Variants in GPM6A observed in about 807,000 individuals in gnomAD.
GPM6A encodes the protein glycoprotein M6A.
In GPM6A, 7 loss-of-function variants were observed where a neutral mutation model predicts 32.1. The ratio of observed to expected loss-of-function variants is 0.22; its 90% confidence interval spans 0.12 to 0.41. The LOEUF (loss-of-function observed/expected upper bound fraction) is 0.41. Ranked by LOEUF, GPM6A falls within the 10% of genes least tolerant of loss-of-function variation. GPM6A has a pLI of 1.00. For synonymous variants in GPM6A, 130 were observed against 123.4 expected (o/e 1.05, Z -0.35); for missense variants, 235 against 347.2 (o/e 0.68, Z 2.57).
chr4:175,805,148 G>C (rs1267765892), intron 1 of GPM6A, among the ~76,000 whole-genome samples: 1 of 151,352 alleles, frequency 6.6e-6, no homozygotes, highest in Admixed American at 6.6e-5. Flanking sequence ...AAAAAAAAAA[G>C]CTGTCAAGTT....
chr4:175,970,939 T>C (rs532246855), intron 1 of GPM6A: 7 of 455,176 alleles, frequency 1.5e-5, no homozygotes, highest in East Asian at 7.0e-5. Flanking sequence ...CAGGGTGCGG[T>C]ACAGAGATGG....
chr4:175,993,869 C>T (rs986985790), intron 1 of GPM6A, among the ~76,000 whole-genome samples: 5 of 152,142 alleles, frequency 3.3e-5, no homozygotes, highest in African/African-American at 1.2e-4. Flanking sequence ...TTTCATCAGA[C>T]GCAGTATTTA....
chr4:175,648,845 C>T (rs1355738061), intron 4 of GPM6A, among the ~76,000 whole-genome samples: 1 of 152,134 alleles, frequency 6.6e-6, no homozygotes, highest in African/African-American at 2.4e-5. Flanking sequence ...TTACACTGGG[C>T]CCATCTGGCT....
At chr4:175,794,124 C>T (rs1293843107) in intron 1 of GPM6A, among the ~76,000 whole-genome samples, 1 of 152,194 alleles carries the variant, frequency 6.6e-6, no homozygotes, top group East Asian at 1.9e-4. Flanking sequence ...GAAGCAACTT[C>T]ACCACTTACT....
rs574029440 is a variant in GPM6A at position 175,737,828 on chromosome 4, G to C, written c.38-36061C>G. ...GGTTCTTTTTAAACAACCAACTCTT[G>C]TATGAACTAATAGAGCAAGAATTCA... On this transcript the variant is annotated intron_variant, in intron 1 of 6. Transcript: ENST00000393658. Among the ~76,000 whole-genome samples the C allele has an allele frequency of 3.3e-5, 5 of 152,110 alleles. 1 individual carries two copies. Among genetic ancestry groups the C allele is most frequent in the African/African-American group, 1.2e-4 (5 of 41,508 alleles).
chr4:175,901,628 C>CTTTTTTTTTTTTTTCTTTTTTT (rs59461626), intron 1 of GPM6A, among the ~76,000 whole-genome samples: 321 of 126,004 alleles, frequency 2.5e-3, no homozygotes, highest in Non-Finnish European at 2.9e-3. Flanking sequence ...TTTTCTTTTT[C>CTTTTTTTTTTTTTTCTTTTTTT]TTTTTTTTTT....
chr4:175,677,147 T>C (rs1434271386), intron 2 of GPM6A, among the ~76,000 whole-genome samples: 3 of 152,186 alleles, frequency 2.0e-5, no homozygotes, highest in Non-Finnish European at 4.4e-5. Context: ...GTTGTTGTTT[T>C]TAATAACATA....
intron 1 of GPM6A, among the ~76,000 whole-genome samples, chr4:175,704,327 A>G (rs1299037279): frequency 1.3e-5 from 2 of 151,788 alleles, no homozygotes; most frequent in African/African-American, 4.8e-5. Flanking sequence ...TCTCTCACAC[A>G]CACACACACA....
chr4:175,821,931 T>C, intron 1 of GPM6A, among the ~76,000 whole-genome samples: 1 of 152,102 alleles, frequency 6.6e-6, no homozygotes. Context: ...TTATTTCCTC[T>C]GTTTTACTGT....
At chr4:175,762,640 G>A (rs888215262) in intron 1 of GPM6A, among the ~76,000 whole-genome samples, 6 of 151,932 alleles carry the variant, frequency 3.9e-5, no homozygotes, top group Non-Finnish European at 7.4e-5. Flanking sequence ...AAAGGCATTC[G>A]ATTAAAAAAA....
intron 1 of GPM6A, among the ~76,000 whole-genome samples, chr4:175,982,689 C>A (rs540965327): frequency 1.3e-5 from 2 of 152,120 alleles, no homozygotes; most frequent in South Asian, 4.1e-4. Context: ...ATGACTTCTC[C>A]AATTCTGTTC....
intron 4 of GPM6A, among the ~76,000 whole-genome samples, chr4:175,645,984 A>G (rs1484473060): frequency 6.6e-6 from 1 of 152,148 alleles, no homozygotes; most frequent in Non-Finnish European, 1.5e-5. Flanking sequence ...AAAGTCAGCA[A>G]CAATGGATCT....
At chr4:175,836,305 G>A (rs182750473) in intron 1 of GPM6A, among the ~76,000 whole-genome samples, 1,523 of 151,970 alleles carry the variant, frequency 0.01, 7 homozygotes, top group Admixed American at 0.016. Context: ...TATTCCTTTC[G>A]TAGATTCTTT....
chr4:175,749,692 C>T (rs550634003), intron 1 of GPM6A, among the ~76,000 whole-genome samples: 4 of 152,102 alleles, frequency 2.6e-5, no homozygotes, highest in African/African-American at 9.7e-5. Context: ...ACACCACTTA[C>T]GAAGAATGCA....
chr4:175,636,584 T>C (rs1372955892), intron 6 of GPM6A, among the ~76,000 whole-genome samples: 1 of 150,188 alleles, frequency 6.7e-6, no homozygotes, highest in Non-Finnish European at 1.5e-5. Flanking sequence ...TCACTTGAGG[T>C]CAGGAGTCCA....
chr4:175,671,994 A>G (rs72702643), intron 3 of GPM6A, among the ~76,000 whole-genome samples: 8 of 147,248 alleles, frequency 5.4e-5, no homozygotes, highest in South Asian at 2.1e-4. Flanking sequence ...GAAAAAAAAA[A>G]AAAGAAAGAA....
chr4:175,804,899 G>T (rs1309438053), intron 1 of GPM6A, among the ~76,000 whole-genome samples: 1 of 152,058 alleles, frequency 6.6e-6, no homozygotes, highest in African/African-American at 2.4e-5. Context: ...CAAAAAATTA[G>T]CTGGGTGTGG....
chr4:175,659,087 T>C (rs571210835), intron 3 of GPM6A, among the ~76,000 whole-genome samples: 174 of 110,360 alleles, frequency 1.6e-3, no homozygotes, highest in African/African-American at 5.5e-3. Flanking sequence ...TTTGTTTTCC[T>C]TTTTTTTTTT....
chr4:175,954,691 C>T (rs977553202), intron 1 of GPM6A, among the ~76,000 whole-genome samples: 1 of 152,174 alleles, frequency 6.6e-6, no homozygotes, highest in African/African-American at 2.4e-5. Flanking sequence ...AGGTTGCACC[C>T]GTGTCTTAGC....
Sources: gnomAD v4.1 joint callset for allele counts (sites outside exome capture counted in the v4.1 genomes callset) on GRCh38, gnomAD v4.1.1 for gene constraint, MANE v1.5 for transcripts, NCBI Gene and HGNC (gene_info 2026-07-23, HGNC 2026-07-21) for gene names.